LASP1: variants seen among roughly 807,000 people sequenced by gnomAD.
LASP1 encodes the protein LIM and SH3 protein 1.
In LASP1, 10 loss-of-function variants were observed where a neutral mutation model predicts 38.6. The observed-to-expected ratio is 0.26, with a 90% CI of 0.16 to 0.44. The LOEUF (loss-of-function observed/expected upper bound fraction) is 0.44. LASP1 is among the 20% of genes least tolerant of loss of function. LASP1 has a pLI of 1.00. For missense variants in LASP1, 243 were observed against 375.7 expected, an observed-to-expected ratio of 0.65 and a Z score of 2.92; for synonymous variants, 132 against 140.8, an observed-to-expected ratio of 0.94 and a Z score of 0.44.
intron 4 of LASP1, among the ~76,000 whole-genome samples, chr17:38,903,541 G>C (rs1182388599): frequency 6.6e-6 from 1 of 151,636 alleles, no homozygotes; most frequent in Non-Finnish European, 1.5e-5. Context: ...TATTTTTTTT[G>C]TAGAGAGAGG....
chr17:38,920,218 C>A lies in LASP1; in HGVS notation c.*1440C>A, dbSNP rs926763754. 1 of 482,878 alleles carries A rather than the reference C, an allele frequency of 2.1e-6. No individual in the cohort carries two copies. 29.9% of individuals were successfully genotyped at this position (482,878 alleles called of 1,614,324 possible). On this transcript the variant is annotated 3_prime_UTR_variant, in exon 7 of 7. Coordinates refer to ENST00000318008, the MANE Select transcript of LASP1 (RefSeq NM_006148.4). ...GCTCTGTCACTCCAGGCATATGTTTCCCCATCTCTGTCTGGGGCTACAGAA... is the reference window on the plus strand; with the variant it reads ...GCTCTGTCACTCCAGGCATATGTTTACCCATCTCTGTCTGGGGCTACAGAA...
chr17:38,877,203 C>G (rs1173133101), intron 1 of LASP1, among the ~76,000 whole-genome samples: 3 of 152,236 alleles, frequency 2.0e-5, no homozygotes, highest in African/African-American at 7.2e-5. Flanking sequence ...GATTTCTCCT[C>G]AGTCCTGGAC....
intron 1 of LASP1, 140 bp downstream of exon 1, chr17:38,870,398 G>T: frequency 5.3e-6 from 5 of 944,296 alleles, no homozygotes; most frequent in Non-Finnish European, 7.9e-6. Context: ...CGGTGTCATG[G>T]GGTGTGGGGA....
At chr17:38,908,930 G>A (rs1044926883) in intron 4 of LASP1, among the ~76,000 whole-genome samples, 2 of 152,236 alleles carry the variant, frequency 1.3e-5, no homozygotes, top group Non-Finnish European at 2.9e-5. Context: ...GCCCAGGCTG[G>A]GACAGCCCTG....
rs1915302964 is a variant in LASP1, at chr17:38,921,615, T to G, written c.*2837T>G. 4 of 233,108 alleles carry G rather than the reference T, an allele frequency of 1.7e-5. No individual in the cohort carries two copies. The East Asian group carries it at 2.4e-4, about 14-fold the overall frequency. The allele number at this position is 233,108 out of a possible 1,614,324, so 14.4% of individuals were successfully genotyped here. ...GCCAGTTCATCTTTTTATATGGGGT[T>G]GTTGTCTCATTTTGGTCTGTTTTGG... On this transcript the variant is annotated 3_prime_UTR_variant, in exon 7 of 7. Transcript: ENST00000318008.
In LASP1 at chr17:38,920,025, A is replaced by G. The variant is rs1915254792; in HGVS notation, c.*1247A>G. 1.9e-6 allele frequency: 1 copy of G among 535,712 alleles called. No individual in the cohort carries two copies. The highest frequency in any genetic ancestry group is 1.5e-5 in the South Asian group (1 of 65,204). The allele number at this position is 535,712 out of a possible 1,614,324, so 33.2% of individuals were successfully genotyped here. On this transcript the variant is annotated 3_prime_UTR_variant, in exon 7 of 7. Coordinates refer to ENST00000318008, the MANE Select transcript of LASP1 (RefSeq NM_006148.4). ...GAGGGGAGGGCTCCTGGGGCAGAGA[A>G]GTTCCTTAGGTTTTCTTTGGAATGA...
At position 38,897,451 on chromosome 17, in the gene LASP1, G is replaced by A. The variant is rs574369255; in HGVS notation, c.250-961G>A. 5.3e-5 allele frequency among the ~76,000 whole-genome samples: 8 copies of A among 152,366 alleles called. No homozygotes were observed. In the South Asian group the frequency reaches 1.7e-3, roughly 32 times the overall value. On this transcript the variant is annotated intron_variant, in intron 3 of 6. Transcript: ENST00000318008. Reference sequence around the variant, plus strand: ...CAGCTGGTGGGGTCTGGAACAGATGGCTGATGAGGTGGACAGTGAAGTCTC... The same window carrying A: ...CAGCTGGTGGGGTCTGGAACAGATGACTGATGAGGTGGACAGTGAAGTCTC...
chr17:38,914,332 AC>A lies in LASP1; in HGVS notation c.367del (p.His123MetfsTer171). 1 of 1,608,822 alleles carries A rather than the reference AC, an allele frequency of 6.2e-7. No homozygotes were observed. The highest frequency in any genetic ancestry group is 8.5e-7 in the Non-Finnish European group (1 of 1,178,402). On this transcript the variant is annotated frameshift_variant, in exon 5 of 7. Transcript: ENST00000318008. LOFTEE classifies it high-confidence loss of function. ...KTQDQISNIK[Y>X]HEEFEKSRMG... ...TGCCTTCTGACCTTGCAGATAAAAT[AC>A]CATGAGGAGTTTGAGAAGAGCCGCA...
intron 4 of LASP1, among the ~76,000 whole-genome samples, chr17:38,905,012 C>T (rs577899618): frequency 6.6e-6 from 1 of 152,298 alleles, no homozygotes. Context: ...TTTTGTGTAT[C>T]TTGCTTCTCT....
chr17:38,915,234 T>G (rs1915086053), intron 6 of LASP1, 88 bp downstream of exon 6: 4 of 1,027,306 alleles, frequency 3.9e-6, no homozygotes, highest in Non-Finnish European at 6.0e-6. Context: ...TCCTGACCTT[T>G]GCACCCACCC....
At chr17:38,908,808 C>T (rs1243371345) in intron 4 of LASP1, among the ~76,000 whole-genome samples, 3 of 152,224 alleles carry the variant, frequency 2.0e-5, no homozygotes, top group Non-Finnish European at 2.9e-5. Context: ...CAGCTGTTAA[C>T]GTGTAAGCCC....
Position 38,920,509 on chromosome 17 carries a change from A to C in LASP1, c.*1731A>C. 3.8e-6 allele frequency: 1 copy of C among 260,216 alleles called. No individual in the cohort carries two copies. The highest frequency in any genetic ancestry group is 2.1e-5 in the African/African-American group (1 of 46,910). The allele number at this position is 260,216 out of a possible 1,614,324, so 16.1% of individuals were successfully genotyped here. A position where few individuals can be genotyped will look rare whatever the true frequency, so the allele number is the denominator to read the frequency against. On this transcript the variant is annotated 3_prime_UTR_variant, in exon 7 of 7. Transcript: ENST00000318008. Reference sequence around the variant, plus strand: ...CTCTGGGAGTCCCCATCCCATTTTCATCCTGAGCCCAACCAGGCCCTGCCA... The same window carrying C: ...CTCTGGGAGTCCCCATCCCATTTTCCTCCTGAGCCCAACCAGGCCCTGCCA...
chr17:38,898,591 C>A, intron 4 of LASP1, 72 bp downstream of exon 4: 2 of 1,159,286 alleles, frequency 1.7e-6, no homozygotes, highest in Non-Finnish European at 2.5e-6. Context: ...GCCTGGCAGA[C>A]GCAAGCCTGG....
At chr17:38,899,273 A>T in intron 4 of LASP1, 1 of 159,034 alleles carries the variant, frequency 6.3e-6, no homozygotes, top group South Asian at 1.8e-4. Flanking sequence ...GGGGCTGCCC[A>T]GCCAGCCTGG....
intron 2 of LASP1, among the ~76,000 whole-genome samples, chr17:38,884,138 G>T (rs1914037014): frequency 6.6e-6 from 1 of 152,060 alleles, no homozygotes; most frequent in Admixed American, 6.6e-5. Context: ...CCTGGAACGG[G>T]CGAGGCTCTG....
intron 4 of LASP1, among the ~76,000 whole-genome samples, chr17:38,908,860 G>T (rs1295311193): frequency 6.6e-6 from 1 of 152,260 alleles, no homozygotes; most frequent in African/African-American, 2.4e-5. Context: ...TGCACAGCCA[G>T]TGCCAAGGGG....
intron 2 of LASP1, among the ~76,000 whole-genome samples, chr17:38,883,675 C>T (rs180972781): frequency 1.4e-4 from 22 of 152,116 alleles, no homozygotes; most frequent in African/African-American, 4.3e-4. Flanking sequence ...GAAACAGGCC[C>T]GCGTTTCCAT....
chr17:38,903,438 C>T (rs970323546), intron 4 of LASP1, among the ~76,000 whole-genome samples: 1 of 152,202 alleles, frequency 6.6e-6, no homozygotes, highest in African/African-American at 2.4e-5. Flanking sequence ...TAGGTCACTG[C>T]AGCCTCGAAC....
At chr17:38,874,265 A>AG (rs935380052) in intron 1 of LASP1, among the ~76,000 whole-genome samples, 1 of 152,072 alleles carries the variant, frequency 6.6e-6, no homozygotes, top group African/African-American at 2.4e-5. Context: ...CCTTTAAAAG[A>AG]GGGGGGCTCT....
Sources: allele counts gnomAD v4.1 joint callset (sites outside exome capture counted in the v4.1 genomes callset), GRCh38; gene constraint gnomAD v4.1.1; transcripts MANE v1.5; gene names NCBI Gene and HGNC (gene_info 2026-07-23, HGNC 2026-07-21).